Variants in DOK6 observed in about 807,000 individuals in gnomAD.
DOK6 encodes the protein docking protein 6, also known as downstream of tyrosine kinase 6.
Under a neutral mutation model 44.0 loss-of-function variants are expected in DOK6, and 22 were observed. That is an observed-to-expected ratio of 0.50 (90% CI 0.36 to 0.71). DOK6 has a LOEUF of 0.71. Ranked by LOEUF, DOK6 falls within the 30% of genes least tolerant of loss-of-function variation. DOK6 has a pLI of 0.00. For missense variants in DOK6, 340 were observed against 416.4 expected, an observed-to-expected ratio of 0.82 and a Z score of 1.60; for synonymous variants, 166 against 145.5, an observed-to-expected ratio of 1.14 and a Z score of -1.01.
intron 4 of DOK6, among the ~76,000 whole-genome samples, chr18:69,694,455 A>G (rs948392204): frequency 6.8e-6 from 1 of 147,084 alleles, no homozygotes; most frequent in African/African-American, 2.5e-5. Context: ...TATACACTTT[A>G]TTATAGCATA....
chr18:69,476,640 G>A (rs563689740), intron 1 of DOK6, among the ~76,000 whole-genome samples: 37 of 152,214 alleles, frequency 2.4e-4, no homozygotes, highest in Non-Finnish European at 4.8e-4. Context: ...GAAGGGATTG[G>A]TGACCCTCAT....
At chr18:69,607,500 TA>T (rs965640572) in intron 3 of DOK6, among the ~76,000 whole-genome samples, 13 of 127,230 alleles carry the variant, frequency 1.0e-4, no homozygotes, top group East Asian at 9.7e-4. Flanking sequence ...TCCTTGGATA[TA>T]AAAAAAATTA....
intron 1 of DOK6, among the ~76,000 whole-genome samples, chr18:69,404,872 A>T (rs1162693202): frequency 6.6e-6 from 1 of 151,990 alleles, no homozygotes; most frequent in Non-Finnish European, 1.5e-5. Context: ...TTTAAGAGGC[A>T]GTGTACACTG....
chr18:69,804,093 G>C (rs1292791894), intron 7 of DOK6, among the ~76,000 whole-genome samples: 2 of 152,140 alleles, frequency 1.3e-5, no homozygotes, highest in Non-Finnish European at 2.9e-5. Context: ...CAAAATTTTT[G>C]AGGTTAATGT....
chr18:69,836,820 A>G (rs777944413), intron 7 of DOK6, among the ~76,000 whole-genome samples: 1 of 152,198 alleles, frequency 6.6e-6, no homozygotes, highest in Non-Finnish European at 1.5e-5. Context: ...TTTTGCTTCC[A>G]TCAACACTGT....
chr18:69,407,561 C>A (rs1342581178), intron 1 of DOK6, among the ~76,000 whole-genome samples: 2 of 152,062 alleles, frequency 1.3e-5, no homozygotes, highest in Non-Finnish European at 2.9e-5. Context: ...TGCATAAATC[C>A]TCTTTAGATT....
chr18:69,773,192 A>G (rs185246675), intron 7 of DOK6, among the ~76,000 whole-genome samples: 14 of 152,066 alleles, frequency 9.2e-5, no homozygotes, highest in African/African-American at 2.9e-4. Flanking sequence ...AACAAAAAAC[A>G]AAGTATTGAT....
chr18:69,603,361 A>G (rs2144624777), intron 3 of DOK6, among the ~76,000 whole-genome samples: 1 of 152,272 alleles, frequency 6.6e-6, no homozygotes, highest in South Asian at 2.1e-4. Flanking sequence ...TACCTTACAG[A>G]GTGCCCTGTA....
intron 1 of DOK6, among the ~76,000 whole-genome samples, chr18:69,411,075 T>C (rs1978303985): frequency 6.6e-6 from 1 of 152,146 alleles, no homozygotes; most frequent in South Asian, 2.1e-4. Flanking sequence ...ATATAGCACA[T>C]ACCTCTCGAG....
chr18:69,840,698 C>G (rs1423863939), intron 7 of DOK6, among the ~76,000 whole-genome samples: 1 of 152,176 alleles, frequency 6.6e-6, no homozygotes, highest in Non-Finnish European at 1.5e-5. Context: ...GACGGTGACT[C>G]ACACACCGGC....
At chr18:69,799,330 A>G (rs2145104440) in intron 7 of DOK6, among the ~76,000 whole-genome samples, 1 of 152,216 alleles carries the variant, frequency 6.6e-6, no homozygotes, top group South Asian at 2.1e-4. Flanking sequence ...AAAAGATTAA[A>G]TATTTGAAAT....
In DOK6 at chr18:69,432,340, A is replaced by T. The variant is rs564980162; in HGVS notation, c.66+31030A>T. Reference sequence around the variant, plus strand: ...ACATCTGTAGTCCCAGCTACTTGGGATGCTGAGGTGGGAGGATTGCTTGTA... The same window carrying T: ...ACATCTGTAGTCCCAGCTACTTGGGTTGCTGAGGTGGGAGGATTGCTTGTA... On this transcript the variant is annotated intron_variant, in intron 1 of 7. Transcript: ENST00000382713. 7.9e-5 allele frequency among the ~76,000 whole-genome samples: 12 copies of T among 152,270 alleles called. No individual in the cohort carries two copies. In the East Asian group the frequency reaches 1.7e-3, roughly 22 times the overall value.
intron 3 of DOK6, among the ~76,000 whole-genome samples, chr18:69,621,781 TTC>T (rs1984448938): frequency 6.6e-6 from 1 of 152,196 alleles, no homozygotes; most frequent in African/African-American, 2.4e-5. Flanking sequence ...TTGGATACCT[TTC>T]TTTTGGAACA....
chr18:69,500,735 A>T (rs944992228), intron 1 of DOK6, among the ~76,000 whole-genome samples: 1 of 152,330 alleles, frequency 6.6e-6, no homozygotes, highest in East Asian at 1.9e-4. Flanking sequence ...ACCTTTATTA[A>T]TAATATGTAA....
At chr18:69,811,358 A>G (rs1340951972) in intron 7 of DOK6, among the ~76,000 whole-genome samples, 1 of 151,776 alleles carries the variant, frequency 6.6e-6, no homozygotes, top group Non-Finnish European at 1.5e-5. Context: ...TTTCAGTTAC[A>G]TAGGAGGAAC....
chr18:69,480,746 C>A (rs1980394519), intron 1 of DOK6, among the ~76,000 whole-genome samples: 2 of 152,000 alleles, frequency 1.3e-5, no homozygotes, highest in Non-Finnish European at 2.9e-5. Context: ...ACTGAGGTCA[C>A]AATACAGTGT....
intron 7 of DOK6, among the ~76,000 whole-genome samples, chr18:69,770,943 C>T (rs1979871330): frequency 1.3e-5 from 2 of 151,984 alleles, no homozygotes; most frequent in African/African-American, 4.8e-5. Context: ...CATATGACTT[C>T]CATAACAAAA....
chr18:69,576,678 G>C (rs1249640467), intron 2 of DOK6, among the ~76,000 whole-genome samples: 1 of 152,114 alleles, frequency 6.6e-6, no homozygotes, highest in African/African-American at 2.4e-5. Flanking sequence ...TCTTGGCAGA[G>C]AGAAATTTGA....
chr18:69,756,586 T>C (rs1383943652), intron 6 of DOK6, among the ~76,000 whole-genome samples: 1 of 152,230 alleles, frequency 6.6e-6, no homozygotes, highest in Non-Finnish European at 1.5e-5. Context: ...TATTAAAATG[T>C]AAGAACCTCT....
Sources: allele counts gnomAD v4.1 joint callset (sites outside exome capture counted in the v4.1 genomes callset), GRCh38; gene constraint gnomAD v4.1.1; transcripts MANE v1.5; gene names NCBI Gene and HGNC (gene_info 2026-07-23, HGNC 2026-07-21).